SPOCK3: variants seen among roughly 807,000 people sequenced by gnomAD.
SPOCK3 encodes the protein testican-3.
Under a neutral mutation model 56.6 loss-of-function variants are expected in SPOCK3, and 30 were observed. The ratio of observed to expected loss-of-function variants is 0.53; its 90% CI spans 0.40 to 0.72. The LOEUF is 0.72. Among genes scored for constraint, SPOCK3 ranks in the 30% least tolerant of loss-of-function variants. SPOCK3 has a pLI of 0.00. For synonymous variants in SPOCK3, 196 were observed against 183.3 expected (o/e 1.07, Z -0.56); for missense variants, 527 against 530.0 (o/e 0.99, Z 0.06).
chr4:167,008,666 G>T (rs2150140551), intron 3 of SPOCK3, among the ~76,000 whole-genome samples: 1 of 152,246 alleles, frequency 6.6e-6, no homozygotes, highest in South Asian at 2.1e-4. Flanking sequence ...CCATAAGAAA[G>T]AATGAAATCA....
chr4:167,079,740 C>T (rs1757545108), intron 2 of SPOCK3, among the ~76,000 whole-genome samples: 1 of 151,974 alleles, frequency 6.6e-6, no homozygotes, highest in Non-Finnish European at 1.5e-5. Flanking sequence ...ATATCAAACA[C>T]TTTTAAGAAA....
At chr4:166,851,294 T>C (rs1409088975) in intron 6 of SPOCK3, among the ~76,000 whole-genome samples, 32 of 152,152 alleles carry the variant, frequency 2.1e-4, no homozygotes, top group East Asian at 5.8e-4. Context: ...ACAGAAAGGA[T>C]ATCCACACCA....
rs1733918902 is a variant in SPOCK3, at chr4:167,205,150, T to TA, written c.189+28834_189+28835insT. ...GAAAAAAAAAATACATATATATATA[T>TA]TTTATATATATATAATATATATTAT... On this transcript the variant is annotated intron_variant, in intron 2 of 10. Coordinates refer to ENST00000357545, the MANE Select transcript of SPOCK3 (RefSeq NM_001040159.2). Among the ~76,000 whole-genome samples the TA allele has an allele frequency of 2.0e-4, 23 of 113,224 alleles. 1 individual carries two copies. The South Asian group carries it at 5.5e-3, about 27-fold the overall frequency. 74.3% of individuals were successfully genotyped at this position (113,224 alleles called of 152,430 possible).
At chr4:166,745,949 T>C (rs1579099054) in intron 8 of SPOCK3, among the ~76,000 whole-genome samples, 1 of 152,184 alleles carries the variant, frequency 6.6e-6, no homozygotes, top group Non-Finnish European at 1.5e-5. Flanking sequence ...ATCCTAAATA[T>C]ATATGAACTC....
At chr4:166,851,324 C>G (rs967664142) in intron 6 of SPOCK3, among the ~76,000 whole-genome samples, 1 of 152,154 alleles carries the variant, frequency 6.6e-6, no homozygotes, top group Admixed American at 6.5e-5. Context: ...CTGTACATCA[C>G]CATCATCAAA....
chr4:166,894,985 A>C (rs905280444), intron 5 of SPOCK3, among the ~76,000 whole-genome samples: 1 of 152,156 alleles, frequency 6.6e-6, no homozygotes, highest in African/African-American at 2.4e-5. Context: ...CTAAACTTCA[A>C]AATGTAATAA....
intron 2 of SPOCK3, among the ~76,000 whole-genome samples, chr4:167,066,512 A>G (rs1232846889): frequency 1.3e-5 from 2 of 151,928 alleles, no homozygotes; most frequent in Non-Finnish European, 2.9e-5. Context: ...GCTACTAGTA[A>G]CAGATTTTCT....
At chr4:166,965,958 A>G (rs1357544323) in intron 4 of SPOCK3, among the ~76,000 whole-genome samples, 1 of 152,120 alleles carries the variant, frequency 6.6e-6, no homozygotes, top group South Asian at 2.1e-4. Context: ...TATCACAAAG[A>G]ATAGTTTCAA....
At chr4:167,050,460 T>C (rs868144693) in intron 3 of SPOCK3, among the ~76,000 whole-genome samples, 5 of 152,112 alleles carry the variant, frequency 3.3e-5, no homozygotes, top group Non-Finnish European at 5.9e-5. Flanking sequence ...GGTGAGAATA[T>C]AAAAGCATGC....
chr4:167,145,226 T>A (rs904469357), intron 2 of SPOCK3, among the ~76,000 whole-genome samples: 3 of 152,080 alleles, frequency 2.0e-5, no homozygotes, highest in African/African-American at 7.2e-5. Flanking sequence ...AAGAAGAGGA[T>A]TGCCATTTAC....
At chr4:167,065,291 C>G (rs2150253121) in intron 2 of SPOCK3, among the ~76,000 whole-genome samples, 1 of 151,750 alleles carries the variant, frequency 6.6e-6, no homozygotes, top group Middle Eastern at 3.4e-3. Flanking sequence ...GCACTGAAGT[C>G]AGATGATGTC....
intron 4 of SPOCK3, among the ~76,000 whole-genome samples, chr4:166,983,940 T>C (rs1360619903): frequency 6.6e-6 from 1 of 152,000 alleles, no homozygotes; most frequent in African/African-American, 2.4e-5. Flanking sequence ...TTTACTTCAA[T>C]ATAATAAAAC....
chr4:166,925,097 G>A (rs1173120245), intron 4 of SPOCK3, among the ~76,000 whole-genome samples: 1 of 152,074 alleles, frequency 6.6e-6, no homozygotes, highest in Non-Finnish European at 1.5e-5. Context: ...CTATGGCATG[G>A]CTAGAGAAGG....
At chr4:166,815,887 A>G (rs1465789798) in intron 6 of SPOCK3, among the ~76,000 whole-genome samples, 1 of 152,122 alleles carries the variant, frequency 6.6e-6, no homozygotes, top group Non-Finnish European at 1.5e-5. Context: ...GACTTAGATT[A>G]TGTACATAGT....
Position 167,085,333 on chromosome 4 carries a change from CA to C in SPOCK3, c.190-22797del, listed in dbSNP as rs1758097932. ...TTTCCTTAGCTATTAAATTGCTTAT[CA>C]AATTGGACTGATCTCTGGCAGGTGC... On this transcript the variant is annotated intron_variant, in intron 2 of 10. Transcript: ENST00000357545. Among the ~76,000 whole-genome samples the C allele has an allele frequency of 2.6e-5, 4 of 151,960 alleles. No homozygotes were observed. The South Asian group carries it at 8.3e-4, about 31-fold the overall frequency.
intron 2 of SPOCK3, among the ~76,000 whole-genome samples, chr4:167,091,381 T>C (rs997122809): frequency 6.6e-6 from 1 of 152,188 alleles, no homozygotes; most frequent in African/African-American, 2.4e-5. Context: ...AGCATGGAAT[T>C]ACGACACTAC....
chr4:167,030,257 C>T (rs762235069), intron 3 of SPOCK3, among the ~76,000 whole-genome samples: 2 of 152,036 alleles, frequency 1.3e-5, no homozygotes, highest in Non-Finnish European at 2.9e-5. Context: ...CACTGAATCT[C>T]ATTTCATTTT....
intron 2 of SPOCK3, among the ~76,000 whole-genome samples, chr4:167,095,163 G>C (rs1333675046): frequency 6.6e-6 from 1 of 151,980 alleles, no homozygotes; most frequent in Non-Finnish European, 1.5e-5. Flanking sequence ...ATCTTATTCA[G>C]AAACACCCTA....
At chr4:166,739,343 T>C (rs1734583265) in intron 9 of SPOCK3, among the ~76,000 whole-genome samples, 1 of 152,020 alleles carries the variant, frequency 6.6e-6, no homozygotes, top group Admixed American at 6.6e-5. Flanking sequence ...CAGGTTCAAG[T>C]GATTCTCCTA....
Sources: allele counts gnomAD v4.1 joint callset (sites outside exome capture counted in the v4.1 genomes callset), GRCh38; gene constraint gnomAD v4.1.1; transcripts MANE v1.5; gene names NCBI Gene and HGNC (gene_info 2026-07-23, HGNC 2026-07-21).